The following GPM6A variants were observed in gnomAD, a reference collection of about 807,000 sequenced individuals.
GPM6A encodes neuronal membrane glycoprotein M6-a.
A neutral mutation model predicts 32.1 loss-of-function variants in GPM6A; 7 were observed. The observed-to-expected ratio is 0.22, with a 90% CI of 0.12 to 0.41. The LOEUF is 0.41. GPM6A is among the 10% of genes least tolerant of loss of function. The probability of loss-of-function intolerance (pLI) is 1.00; values close to 1 mark genes in which losing one functional copy is unlikely to be tolerated. For missense variants in GPM6A, 235 were observed against 347.2 expected (o/e 0.68, Z 2.57); for synonymous variants, 130 against 123.4 (o/e 1.05, Z -0.35).
chr4:175,825,704 T>C (rs1053484854), intron 1 of GPM6A, among the ~76,000 whole-genome samples: 2 of 152,140 alleles, frequency 1.3e-5, no homozygotes, highest in African/African-American at 4.8e-5. Flanking sequence ...TGGTCATTAA[T>C]AGAATTTTAT....
At position 175,637,333 on chromosome 4, in the gene GPM6A, A is replaced by T. The variant is rs188802485; in HGVS notation, c.685-2276T>A. Among the ~76,000 whole-genome samples the T allele has an allele frequency of 7.9e-5, 6 of 76,058 alleles. 1 individual carries two copies. The highest frequency in any genetic ancestry group is 0.022 in the Middle Eastern group (2 of 90). The allele number at this position is 76,058 out of a possible 152,430, so 49.9% of individuals were successfully genotyped here. ...ATATAATATAAAATATATATTATATATTATATATTATATAAAAATATATAA... is the reference window on the plus strand; with the variant it reads ...ATATAATATAAAATATATATTATATTTTATATATTATATAAAAATATATAA... On this transcript the variant is annotated intron_variant, in intron 6 of 6. Coordinates refer to ENST00000393658, the MANE Select transcript of GPM6A (RefSeq NM_201591.3).
intron 1 of GPM6A, among the ~76,000 whole-genome samples, chr4:175,839,011 C>G (rs1488041076): frequency 6.6e-6 from 1 of 152,004 alleles, no homozygotes; most frequent in East Asian, 1.9e-4. Context: ...CAGGAATAAT[C>G]AAAATAAACA....
At chr4:175,861,749 G>GAAAAAAA (rs10716525) in intron 1 of GPM6A, among the ~76,000 whole-genome samples, 7 of 87,232 alleles carry the variant, frequency 8.0e-5, no homozygotes, top group African/African-American at 1.8e-4. Context: ...AAGAGACTCT[G>GAAAAAAA]AAAAAAAAAA....
At chr4:175,799,832 G>A (rs925351228) in intron 1 of GPM6A, among the ~76,000 whole-genome samples, 5 of 151,084 alleles carry the variant, frequency 3.3e-5, no homozygotes, top group South Asian at 4.2e-4. Context: ...CCGCCACCGC[G>A]CCCGGCTAAT....
chr4:175,779,169 C>G (rs1733514461), intron 1 of GPM6A, among the ~76,000 whole-genome samples: 1 of 152,130 alleles, frequency 6.6e-6, no homozygotes, highest in Non-Finnish European at 1.5e-5. Context: ...TGTTCTTTAT[C>G]TATCCTGTGA....
intron 1 of GPM6A, among the ~76,000 whole-genome samples, chr4:175,907,640 A>AC (rs1738172922): frequency 6.6e-6 from 1 of 151,960 alleles, no homozygotes; most frequent in Non-Finnish European, 1.5e-5. Flanking sequence ...AGGTCATAAA[A>AC]CCCTCCGGTG....
intron 1 of GPM6A, among the ~76,000 whole-genome samples, chr4:175,877,977 C>T (rs1239172838): frequency 6.6e-6 from 1 of 152,048 alleles, no homozygotes; most frequent in Admixed American, 6.6e-5. Flanking sequence ...GAGAAATTGG[C>T]CAAAAAAGGG....
chr4:175,702,138 T>C (rs887960888), intron 1 of GPM6A, among the ~76,000 whole-genome samples: 1 of 152,226 alleles, frequency 6.6e-6, no homozygotes, highest in African/African-American at 2.4e-5. Context: ...CAATGGTATT[T>C]ATTCTTTTGC....
At chr4:175,957,684 C>T (rs1740032382) in intron 1 of GPM6A, among the ~76,000 whole-genome samples, 1 of 152,100 alleles carries the variant, frequency 6.6e-6, no homozygotes, top group Admixed American at 6.5e-5. Flanking sequence ...GCACGTTCTG[C>T]ACATGTATCC....
At chr4:175,721,285 G>A (rs1319459728) in intron 1 of GPM6A, among the ~76,000 whole-genome samples, 1 of 151,096 alleles carries the variant, frequency 6.6e-6, no homozygotes, top group South Asian at 2.1e-4. Context: ...AGACCAGCCT[G>A]GTCAACATAG....
intron 1 of GPM6A, among the ~76,000 whole-genome samples, 195 bp from the exon 2 acceptor site, chr4:175,701,962 G>A (rs1192663183): frequency 6.6e-6 from 1 of 152,092 alleles, no homozygotes; most frequent in Non-Finnish European, 1.5e-5. Flanking sequence ...ACAAATAAGA[G>A]AATGTTTGCC....
At chr4:175,747,782 C>A (rs1209311263) in intron 1 of GPM6A, among the ~76,000 whole-genome samples, 1 of 150,332 alleles carries the variant, frequency 6.7e-6, no homozygotes, top group Non-Finnish European at 1.5e-5. Flanking sequence ...TAAAATAAGA[C>A]AACAGTGAAG....
chr4:175,856,418 G>A (rs1210750745), intron 1 of GPM6A, among the ~76,000 whole-genome samples: 1 of 152,196 alleles, frequency 6.6e-6, no homozygotes, highest in Non-Finnish European at 1.5e-5. Context: ...TTGGGCACCA[G>A]CAGGAAAGAA....
intron 1 of GPM6A, among the ~76,000 whole-genome samples, chr4:176,001,277 G>T (rs555476271): frequency 6.6e-6 from 1 of 152,298 alleles, no homozygotes; most frequent in African/African-American, 2.4e-5. Flanking sequence ...GGCGCCCAGT[G>T]GACTTGGCTG....
intron 1 of GPM6A, among the ~76,000 whole-genome samples, chr4:175,768,810 T>C (rs1157843381): frequency 1.3e-5 from 2 of 151,986 alleles, no homozygotes; most frequent in Admixed American, 6.6e-5. Context: ...TAAGGTACTA[T>C]CCTGGCCGGG....
chr4:175,772,548 C>T (rs922602128), intron 1 of GPM6A, among the ~76,000 whole-genome samples: 6 of 152,136 alleles, frequency 3.9e-5, no homozygotes, highest in African/African-American at 1.4e-4. Context: ...ACTGGGAAAC[C>T]TTCCTTCCTG....
intron 1 of GPM6A, among the ~76,000 whole-genome samples, chr4:175,885,700 A>G (rs1353000895): frequency 6.6e-6 from 1 of 152,204 alleles, no homozygotes; most frequent in Non-Finnish European, 1.5e-5. Context: ...TTGAAAGCTG[A>G]ATCTCTAAAA....
intron 2 of GPM6A, among the ~76,000 whole-genome samples, chr4:175,675,316 A>G (rs1360512259): frequency 6.6e-6 from 1 of 151,582 alleles, no homozygotes; most frequent in African/African-American, 2.4e-5. Flanking sequence ...AGTTGTAGAA[A>G]CAGCCAGTTA....
chr4:175,798,531 C>CA (rs1734327221), intron 1 of GPM6A: 1 of 152,058 alleles, frequency 6.6e-6, no homozygotes, highest in Non-Finnish European at 1.5e-5. Context: ...TAACAATGAG[C>CA]AATGTGGTAA....
Sources: gnomAD v4.1 joint callset for allele counts (sites outside exome capture counted in the v4.1 genomes callset) on GRCh38, gnomAD v4.1.1 for gene constraint, MANE v1.5 for transcripts, NCBI Gene and HGNC (gene_info 2026-07-23, HGNC 2026-07-21) for gene names.